SH3BGRL: variants seen among roughly 807,000 people sequenced by gnomAD.
SH3BGRL encodes SH3 domain binding glutamate rich protein like.
In SH3BGRL, 7 loss-of-function variants were observed where a neutral mutation model predicts 9.8. That is an observed-to-expected ratio of 0.72 (90% CI 0.41 to 1.35). The LOEUF (loss-of-function observed/expected upper bound fraction) is 1.35, where lower values mean the gene tolerates loss of function less well. Ranked by LOEUF, SH3BGRL falls within the 40% of genes most tolerant of loss-of-function variation. The probability of loss-of-function intolerance (pLI) is 0.01; values close to 1 mark genes in which losing one functional copy is unlikely to be tolerated. For synonymous variants in SH3BGRL, 36 were observed against 29.1 expected (o/e 1.24, Z -0.76); for missense variants, 73 against 84.4 (o/e 0.86, Z 0.53).
At position 81,267,715 on chromosome X, in the gene SH3BGRL, G is replaced by A. The variant is rs763805328; in HGVS notation, c.46-9269G>A. On this transcript the variant is annotated intron_variant, in intron 1 of 3. Coordinates refer to ENST00000373212, the MANE Select transcript of SH3BGRL (RefSeq NM_003022.3). ...CTGCTTTGGTGTCAGGATGATGCTCGCCTCATAAAATGAGTCAGGTAGGAT... is the reference window on the plus strand; with the variant it reads ...CTGCTTTGGTGTCAGGATGATGCTCACCTCATAAAATGAGTCAGGTAGGAT... 1.2e-4 allele frequency among the ~76,000 whole-genome samples: 13 copies of A among 111,680 alleles called. No individual in the cohort carries two copies. The South Asian group carries it at 3.3e-3, about 29-fold the overall frequency.
At chrX:81,205,519 T>C (rs995570091) in intron 1 of SH3BGRL, among the ~76,000 whole-genome samples, 1 of 105,122 alleles carries the variant, frequency 9.5e-6, no homozygotes, top group African/African-American at 3.5e-5. Flanking sequence ...TATATATATA[T>C]ATATATATAT....
chrX:81,264,640 A>G (rs926019687), intron 1 of SH3BGRL, among the ~76,000 whole-genome samples: 3 of 110,367 alleles, frequency 2.7e-5, no homozygotes, highest in Non-Finnish European at 5.7e-5. Flanking sequence ...CAAAATTCTG[A>G]GACAAAGAAA....
At chrX:81,216,700 CCTT>C (rs1464506757) in intron 1 of SH3BGRL, among the ~76,000 whole-genome samples, 3 of 111,297 alleles carry the variant, frequency 2.7e-5, no homozygotes, top group African/African-American at 9.8e-5. Context: ...CAAAGTTTGT[CCTT>C]CTGTGCCTGG....
chrX:81,294,817 G>A (rs914273624), intron 3 of SH3BGRL, among the ~76,000 whole-genome samples: 3 of 112,268 alleles, frequency 2.7e-5, no homozygotes, highest in Non-Finnish European at 5.6e-5. Flanking sequence ...AGCCACAGGG[G>A]CAGAGCTGCC....
chrX:81,242,901 G>C (rs2075675524), intron 1 of SH3BGRL, among the ~76,000 whole-genome samples: 1 of 111,826 alleles, frequency 8.9e-6, no homozygotes, highest in South Asian at 3.7e-4. Context: ...TTCTGGTGAG[G>C]ATGTGGAGGA....
chrX:81,271,809 T>C (rs1418423826), intron 1 of SH3BGRL, among the ~76,000 whole-genome samples: 1 of 111,117 alleles, frequency 9.0e-6, no homozygotes, highest in Admixed American at 9.6e-5. Flanking sequence ...TTACGTTGCA[T>C]TGTGATCAAA....
chrX:81,294,811 A>G (rs187353768), intron 3 of SH3BGRL, among the ~76,000 whole-genome samples: 53 of 112,344 alleles, frequency 4.7e-4, no homozygotes, highest in Non-Finnish European at 8.3e-4. Context: ...CTGCAGAGCC[A>G]CAGGGGCAGA....
At chrX:81,220,426 C>G (rs976486340) in intron 1 of SH3BGRL, among the ~76,000 whole-genome samples, 3 of 111,384 alleles carry the variant, frequency 2.7e-5, no homozygotes, top group African/African-American at 9.8e-5. Flanking sequence ...ATAGTAGCCT[C>G]TAATGATCTT....
At chrX:81,208,440 C>G (rs1454400702) in intron 1 of SH3BGRL, among the ~76,000 whole-genome samples, 1 of 112,177 alleles carries the variant, frequency 8.9e-6, no homozygotes, top group Non-Finnish European at 1.9e-5. Context: ...TGTAGCTAAT[C>G]TTTAAAATCT....
intron 1 of SH3BGRL, among the ~76,000 whole-genome samples, chrX:81,239,167 A>G (rs936634244): frequency 5.3e-5 from 6 of 112,296 alleles, no homozygotes; most frequent in Non-Finnish European, 9.4e-5. Context: ...ACATGACCTC[A>G]TTAATTACTA....
At chrX:81,234,464 A>C (rs2147682043) in intron 1 of SH3BGRL, among the ~76,000 whole-genome samples, 1 of 112,005 alleles carries the variant, frequency 8.9e-6, no homozygotes, top group Non-Finnish European at 1.9e-5. Context: ...GCATTCAAAT[A>C]TGGCCAGGAG....
At chrX:81,257,153 C>T (rs944093842) in intron 1 of SH3BGRL, among the ~76,000 whole-genome samples, 1 of 111,369 alleles carries the variant, frequency 9.0e-6, no homozygotes, top group African/African-American at 3.3e-5. Flanking sequence ...AACAATCTAG[C>T]TTATTTTTTG....
At chrX:81,276,873 A>G in intron 1 of SH3BGRL, 111 bp from the exon 2 acceptor site, 2 of 614,871 alleles carry the variant, frequency 3.3e-6, no homozygotes, top group Non-Finnish European at 2.5e-6. Flanking sequence ...AAAATCATAT[A>G]ACTTCTGTGA....
intron 1 of SH3BGRL, among the ~76,000 whole-genome samples, chrX:81,214,230 TTAGTGACCTTGGAGAAAAG>T (rs2075574537): frequency 1.8e-5 from 2 of 111,391 alleles, no homozygotes; most frequent in African/African-American, 6.5e-5. Context: ...AAGGAAATGA[TTAGTGACCTTGGAGAAAAG>T]CGGTTTCAGT....
intron 1 of SH3BGRL, among the ~76,000 whole-genome samples, chrX:81,253,472 G>A (rs2075716858): frequency 9.0e-6 from 1 of 111,377 alleles, no homozygotes; most frequent in Admixed American, 9.6e-5. Context: ...TCTCACCTTG[G>A]CCTCTCAAAG....
chrX:81,254,484 T>C (rs901394702), intron 1 of SH3BGRL, among the ~76,000 whole-genome samples: 2 of 112,306 alleles, frequency 1.8e-5, no homozygotes, highest in Non-Finnish European at 3.8e-5. Context: ...TCTAAGTTGC[T>C]AGGCTCCCTT....
At chrX:81,240,774 A>C (rs767742824) in intron 1 of SH3BGRL, among the ~76,000 whole-genome samples, 1 of 112,977 alleles carries the variant, frequency 8.9e-6, no homozygotes, top group Non-Finnish European at 1.9e-5. Flanking sequence ...GAGGAATCAC[A>C]TTACCTGACT....
At chrX:81,271,259 T>C (rs1177787715) in intron 1 of SH3BGRL, among the ~76,000 whole-genome samples, 2 of 112,281 alleles carry the variant, frequency 1.8e-5, no homozygotes, top group Admixed American at 1.9e-4. Context: ...CTGCACCCAC[T>C]GTCCATCCAG....
chrX:81,290,410 G>T (rs1389241390), intron 3 of SH3BGRL, among the ~76,000 whole-genome samples: 1 of 111,673 alleles, frequency 9.0e-6, no homozygotes, highest in African/African-American at 3.3e-5. Context: ...AAAAGAATGA[G>T]ATCCAGTCAT....
Sources: gnomAD v4.1 joint callset for allele counts (sites outside exome capture counted in the v4.1 genomes callset) on GRCh38, gnomAD v4.1.1 for gene constraint, MANE v1.5 for transcripts, NCBI Gene and HGNC (gene_info 2026-07-23, HGNC 2026-07-21) for gene names.